The following DTWD1 variants were observed in gnomAD, a reference collection of about 807,000 sequenced individuals.
DTWD1 encodes DTW motif tRNA-uridine aminocarboxypropyltransferase 1.
In DTWD1, 27 loss-of-function variants were observed where a neutral mutation model predicts 30.2. The observed-to-expected ratio is 0.90, with a 90% CI of 0.66 to 1.23. The LOEUF (loss-of-function observed/expected upper bound fraction) is 1.23, where lower values mean the gene tolerates loss of function less well. Ranked by LOEUF, DTWD1 falls within the 50% of genes most tolerant of loss-of-function variation. The pLI is 0.00. For synonymous variants in DTWD1, 99 were observed against 113.1 expected (o/e 0.88, Z 0.79); for missense variants, 342 against 348.8 (o/e 0.98, Z 0.15).
rs2079140147 is a variant in DTWD1, at chr15:49,649,493, T to TAG, written c.*5915_*5916insAG. ...GGCTCACGCCTCTAATCCCAGCACT[T>TAG]TAGGAGGCCAAGGCAGGTGGATCGC... On this transcript the variant is annotated 3_prime_UTR_variant, in exon 5 of 5. Transcript: ENST00000403028. 1 of 152,144 alleles carries TAG rather than the reference T, an allele frequency of 6.6e-6. No homozygotes were observed. The highest frequency in any genetic ancestry group is 6.6e-5 in the Admixed American group (1 of 15,264). The allele number at this position is 152,144 out of a possible 1,614,324, so 9.4% of individuals were successfully genotyped here. A position where few individuals can be genotyped will look rare whatever the true frequency, so the allele number is the denominator to read the frequency against.
intron 1 of DTWD1, among the ~76,000 whole-genome samples, chr15:49,622,100 T>G (rs1026999149): frequency 4.2e-4 from 64 of 152,216 alleles, no homozygotes; most frequent in African/African-American, 1.4e-3. Flanking sequence ...GATACTTCAG[T>G]AGTGAGATGC....
rs775784419 is a variant in DTWD1 at position 49,643,429 on chromosome 15, TA to T, written c.767del (p.Tyr256SerfsTer4). 1.2e-6 allele frequency: 2 copies of T among 1,606,146 alleles called. No individual in the cohort carries two copies. Among genetic ancestry groups the T allele is most frequent in the Non-Finnish European group, 1.7e-6 (2 of 1,176,818 alleles). The part of the protein sequence containing the change: ...TFLSTIEAIY[Y>X]FLVDYHTDIL... ...CCTTTCTACAATTGAAGCCATTTAC[TA>T]CTTTCTGGTAGACTACCATACTGAT... On this transcript the variant is annotated frameshift_variant, in exon 5 of 5. Transcript: ENST00000403028. LOFTEE classifies it high-confidence loss of function.
chr15:49,634,839 T>C, intron 4 of DTWD1, 45 bp downstream of exon 4: 7 of 1,508,306 alleles, frequency 4.6e-6, no homozygotes, highest in Non-Finnish European at 6.2e-6. Context: ...CTCAGACTTA[T>C]TTTGAAAAAA....
chr15:49,643,423 A>T lies in DTWD1; in HGVS notation c.760A>T (p.Ile254Phe). Residue 254 changes from isoleucine to phenylalanine, a missense_variant, in exon 5 of 5, where the codon ATT (isoleucine) becomes TTT (phenylalanine). Transcript: ENST00000403028. ...PDTFLSTIEA[I>F]YYFLVDYHTD... The stretch of plus-strand genomic sequence containing the variant: ...TACTTTCCTTTCTACAATTGAAGCC[A>T]TTTACTACTTTCTGGTAGACTACCA... 1 of 1,605,012 alleles carries T rather than the reference A, an allele frequency of 6.2e-7. No homozygotes were observed. Among genetic ancestry groups the T allele is most frequent in the Non-Finnish European group, 8.5e-7 (1 of 1,176,956 alleles).
At chr15:49,633,856 A>G (rs937747640) in intron 3 of DTWD1, among the ~76,000 whole-genome samples, 4 of 152,220 alleles carry the variant, frequency 2.6e-5, no homozygotes, top group Non-Finnish European at 5.9e-5. Context: ...TATAAATCTC[A>G]GTAAAAATGT....
At chr15:49,638,892 T>C (rs1352350137) in intron 4 of DTWD1, among the ~76,000 whole-genome samples, 3 of 152,154 alleles carry the variant, frequency 2.0e-5, no homozygotes, top group African/African-American at 7.2e-5. Flanking sequence ...TATAACATTC[T>C]TAAAGATTTA....
At chr15:49,627,780 A>C (rs967974061) in intron 2 of DTWD1, among the ~76,000 whole-genome samples, 1 of 152,206 alleles carries the variant, frequency 6.6e-6, no homozygotes, top group Non-Finnish European at 1.5e-5. Flanking sequence ...TGGAATTTGC[A>C]GGACTGGAAG....
intron 2 of DTWD1, among the ~76,000 whole-genome samples, chr15:49,626,154 A>T (rs1028911218): frequency 1.3e-5 from 2 of 152,120 alleles, no homozygotes; most frequent in Non-Finnish European, 2.9e-5. Flanking sequence ...TGTGTGATAT[A>T]AACTTATGAA....
At chr15:49,626,742 A>G (rs1188230219) in intron 2 of DTWD1, 2 of 442,140 alleles carry the variant, frequency 4.5e-6, no homozygotes, top group Non-Finnish European at 9.2e-6. Flanking sequence ...TTTGAATTTC[A>G]GTTTAGCCTA....
Position 49,643,353 on chromosome 15 carries a change from A to C in DTWD1, c.690A>C (p.Lys230Asn), listed in dbSNP as rs776100263. 3.2e-6 allele frequency: 5 copies of C among 1,553,880 alleles called. No individual in the cohort carries two copies. The highest frequency in any genetic ancestry group is 4.4e-5 in the Admixed American group (2 of 45,214). Residue 230 changes from lysine to asparagine, a missense_variant, in exon 5 of 5, where the codon AAA becomes AAC. Coordinates refer to ENST00000403028, the MANE Select transcript of DTWD1 (RefSeq NM_001144955.2). ...RLQGLLQVEL[K>N]TRKTCFWRHQ... ...CAGGGTTGTTACAAGTTGAGTTGAA[A>C]ACAAGAAAAACTTGCTTTTGGCGCC...
chr15:49,634,389 AT>A (rs1467411933), intron 3 of DTWD1, 146 bp from the exon 4 acceptor site: 35 of 690,428 alleles, frequency 5.1e-5, no homozygotes, highest in Non-Finnish European at 6.9e-5. Context: ...TTTACCATAC[AT>A]ATTAAAGAAC....
At chr15:49,636,321 T>TAA (rs879364735) in intron 4 of DTWD1, among the ~76,000 whole-genome samples, 9 of 129,754 alleles carry the variant, frequency 6.9e-5, no homozygotes, top group African/African-American at 8.5e-5. Context: ...GACACTTGTG[T>TAA]AAAAAAAAAA....
chr15:49,643,219 A>AG, intron 4 of DTWD1, 112 bp from the exon 5 acceptor site: 1 of 1,282,578 alleles, frequency 7.8e-7, no homozygotes, highest in Admixed American at 3.5e-5. Flanking sequence ...TTTAAAAAAA[A>AG]ATTCTTAGAA....
rs777957569 is a variant in DTWD1 at position 49,639,980 on chromosome 15, C to T, written c.668-3351C>T. On this transcript the variant is annotated intron_variant, in intron 4 of 4. Coordinates refer to ENST00000403028, the MANE Select transcript of DTWD1 (RefSeq NM_001144955.2). Reference sequence around the variant, plus strand: ...TGTGATACATATGAAATAATATATACACACACACACGTATATGTAACATTA... The same window carrying T: ...TGTGATACATATGAAATAATATATATACACACACACGTATATGTAACATTA... Among the ~76,000 whole-genome samples, 10 of 151,420 alleles carry T rather than the reference C, an allele frequency of 6.6e-5. No individual in the cohort carries two copies. The East Asian group carries it at 9.6e-4, about 15-fold the overall frequency.
At chr15:49,635,330 C>T (rs547909051) in intron 4 of DTWD1, among the ~76,000 whole-genome samples, 2 of 152,130 alleles carry the variant, frequency 1.3e-5, no homozygotes, top group East Asian at 3.9e-4. Flanking sequence ...CTACCACGTC[C>T]AGCCTAAGTG....
rs1555588610 is a variant in DTWD1 at position 49,633,049 on chromosome 15, C to CTATATATATA, written c.408+759_408+768dup. ...TTTACTTTCCTATTTATATCTATAT[C>CTATATATATA]TATATATATATATATATATATGTAT... is the stretch of plus-strand genomic sequence containing the variant. On this transcript the variant is annotated intron_variant, in intron 3 of 4. Transcript: ENST00000403028. Among the ~76,000 whole-genome samples the CTATATATATA allele has an allele frequency of 3.4e-3, 400 of 117,300 alleles. 7 individuals carry two copies. Among genetic ancestry groups the CTATATATATA allele is most frequent in the Non-Finnish European group, 4.7e-3 (272 of 57,360 alleles). The allele number at this position is 117,300 out of a possible 152,430, so 77.0% of individuals were successfully genotyped here.
intron 2 of DTWD1, among the ~76,000 whole-genome samples, chr15:49,627,527 A>G (rs967860053): frequency 1.3e-5 from 2 of 152,134 alleles, no homozygotes; most frequent in Non-Finnish European, 2.9e-5. Flanking sequence ...TCGTTAGGCA[A>G]ATTCACTGTT....
In DTWD1 at chr15:49,656,225, T is replaced by C. The variant is rs976549993; in HGVS notation, c.*12647T>C. On this transcript the variant is annotated 3_prime_UTR_variant, in exon 5 of 5. Transcript: ENST00000403028. ...GTAAATTAAATAAAAATTCAAATAT[T>C]TGTAAAAGAATATTTCTTTCTTTAA... is the stretch of plus-strand genomic sequence containing the variant. The C allele has an allele frequency of 6.6e-6, 1 of 152,050 alleles. No individual in the cohort carries two copies. Among genetic ancestry groups the C allele is most frequent in the Non-Finnish European group, 1.5e-5 (1 of 67,960 alleles). The allele number at this position is 152,050 out of a possible 1,614,324, so 9.4% of individuals were successfully genotyped here. A position where few individuals can be genotyped will look rare whatever the true frequency, so the allele number is the denominator to read the frequency against.
intron 1 of DTWD1, among the ~76,000 whole-genome samples, chr15:49,622,546 G>C (rs1387792926): frequency 2.0e-5 from 3 of 152,162 alleles, no homozygotes; most frequent in African/African-American, 7.2e-5. Flanking sequence ...AAAATTGTTA[G>C]TTCCTTAGGA....
Sources: allele counts gnomAD v4.1 joint callset (sites outside exome capture counted in the v4.1 genomes callset), GRCh38; gene constraint gnomAD v4.1.1; transcripts MANE v1.5; gene names NCBI Gene and HGNC (gene_info 2026-07-23, HGNC 2026-07-21).